ZNF280B: variants seen among roughly 807,000 people sequenced by gnomAD.
ZNF280B encodes suppressor of hairy wing homolog 2.
Under a neutral mutation model 38.0 loss-of-function variants are expected in ZNF280B, and 16 were observed. That is an observed-to-expected ratio of 0.42 (90% CI 0.28 to 0.64). The LOEUF (loss-of-function observed/expected upper bound fraction) is 0.64. ZNF280B is among the 30% of genes least tolerant of loss of function. ZNF280B has a pLI of 0.21. For synonymous variants in ZNF280B, 253 were observed against 230.6 expected (o/e 1.10, Z -0.88); for missense variants, 581 against 639.6 (o/e 0.91, Z 0.99).
In ZNF280B at chr22:22,503,316, C is replaced by A. The variant is rs570901314; in HGVS notation, c.-187+4494G>T. Among the ~76,000 whole-genome samples, 3 of 152,024 alleles carry A rather than the reference C, an allele frequency of 2.0e-5. No individual in the cohort carries two copies. In the South Asian group the frequency reaches 6.2e-4, roughly 32 times the overall value. Reference sequence around the variant, plus strand: ...GAATTAGATATTGCTGATGGTTGTACAATTTTGTAAGTATATAATACTAAA... The same window carrying A: ...GAATTAGATATTGCTGATGGTTGTAAAATTTTGTAAGTATATAATACTAAA... On this transcript the variant is annotated intron_variant, in intron 2 of 3. Transcript: ENST00000626650.
At position 22,486,149 on chromosome 22, in the gene ZNF280B, A is replaced by G. The variant is rs952056140; in HGVS notation, c.*1618T>C. ...AGCATTAGTGTCAAAAAACTGGGAA[A>G]CTATACATTTAACAGAATAGCTGCA... On this transcript the variant is annotated 3_prime_UTR_variant, in exon 4 of 4. Coordinates refer to ENST00000626650, the MANE Select transcript of ZNF280B (RefSeq NM_080764.4). The G allele has an allele frequency of 1.3e-5, 2 of 152,022 alleles. No individual in the cohort carries two copies. The highest frequency in any genetic ancestry group is 2.9e-5 in the Non-Finnish European group (2 of 68,020). 9.4% of individuals were successfully genotyped at this position (152,022 alleles called of 1,614,324 possible).
At chr22:22,492,503 T>C (rs1217056896) in intron 3 of ZNF280B, among the ~76,000 whole-genome samples, 2 of 152,012 alleles carry the variant, frequency 1.3e-5, no homozygotes, top group Non-Finnish European at 2.9e-5. Context: ...GGAAAACTCC[T>C]GCCCAAATCC....
intron 3 of ZNF280B, among the ~76,000 whole-genome samples, chr22:22,493,666 G>A (rs2061640521): frequency 6.6e-6 from 1 of 151,824 alleles, no homozygotes; most frequent in East Asian, 2.0e-4. Context: ...CCCAGCCCAG[G>A]CCGCAACTTC....
At chr22:22,505,557 C>G (rs2061920008) in intron 2 of ZNF280B, among the ~76,000 whole-genome samples, 2 of 150,908 alleles carry the variant, frequency 1.3e-5, no homozygotes, top group African/African-American at 4.9e-5. Flanking sequence ...CAGAGCAAGA[C>G]TCCATCTCAA....
In ZNF280B at chr22:22,488,922, T is replaced by C; in HGVS notation, c.477A>G (p.Ala159=). 1 of 1,613,786 alleles carries C rather than the reference T, an allele frequency of 6.2e-7. No individual in the cohort carries two copies. Among genetic ancestry groups the C allele is most frequent in the East Asian group, 2.2e-5 (1 of 44,796 alleles). ...TDSLHHPVST[A]LSVGGINESP... ...TTTCATTTATACCTCCTACTGAAAG[T>C]GCTGTACTTACTGGATGATGCAATG... The change falls in exon 4 of 4, where the codon GCA becomes GCG. Residue 159 remains alanine (A), a synonymous_variant. Transcript: ENST00000626650.
At chr22:22,501,035 A>AACAAAAAC (rs2061810684) in intron 2 of ZNF280B, among the ~76,000 whole-genome samples, 2 of 140,374 alleles carry the variant, frequency 1.4e-5, no homozygotes, top group African/African-American at 5.5e-5. Context: ...AAAAAAAAAA[A>AACAAAAAC]AAAAAACAAA....
chr22:22,498,317 C>G (rs1036820590), intron 2 of ZNF280B, among the ~76,000 whole-genome samples: 2 of 151,902 alleles, frequency 1.3e-5, no homozygotes, highest in African/African-American at 4.8e-5. Flanking sequence ...CACTAAATAT[C>G]ACTAAACTGT....
chr22:22,505,604 A>G (rs1027469597), intron 2 of ZNF280B, among the ~76,000 whole-genome samples: 1 of 151,280 alleles, frequency 6.6e-6, no homozygotes, highest in Non-Finnish European at 1.5e-5. Flanking sequence ...TAATAATAAT[A>G]CAAAAATTAG....
chr22:22,498,113 T>C (rs954206166), intron 2 of ZNF280B, among the ~76,000 whole-genome samples: 1 of 151,976 alleles, frequency 6.6e-6, no homozygotes, highest in Non-Finnish European at 1.5e-5. Flanking sequence ...AAAGCTCATA[T>C]ATTGTATGAT....
chr22:22,493,485 G>C (rs2061637102), intron 3 of ZNF280B, among the ~76,000 whole-genome samples: 1 of 151,966 alleles, frequency 6.6e-6, no homozygotes, highest in Non-Finnish European at 1.5e-5. Flanking sequence ...TAACTGCTTA[G>C]TCTTTAAGAA....
rs1054406921 is a variant in ZNF280B, at chr22:22,487,484, TA to T, written c.*282del. 5.4e-5 allele frequency: 10 copies of T among 185,784 alleles called. No homozygotes were observed. Among genetic ancestry groups the T allele is most frequent in the Non-Finnish European group, 8.4e-5 (8 of 95,078 alleles). The allele number at this position is 185,784 out of a possible 1,614,324, so 11.5% of individuals were successfully genotyped here. A position where few individuals can be genotyped will look rare whatever the true frequency, so the allele number is the denominator to read the frequency against. On this transcript the variant is annotated 3_prime_UTR_variant, in exon 4 of 4. Coordinates refer to ENST00000626650, the MANE Select transcript of ZNF280B (RefSeq NM_080764.4). The stretch of plus-strand genomic sequence containing the variant: ...AAAAAAAAAAAAAAAAAATTAAAAT[TA>T]AAAAAATAAATTAATACCTTTTTCT...
intron 2 of ZNF280B, among the ~76,000 whole-genome samples, chr22:22,502,485 T>C (rs1488119957): frequency 6.6e-6 from 1 of 151,870 alleles, no homozygotes; most frequent in African/African-American, 2.4e-5. Context: ...ATAAGCTAGC[T>C]GGAATATAGC....
At chr22:22,508,487 G>A (rs1191850692) in intron 1 of ZNF280B, among the ~76,000 whole-genome samples, 172 bp downstream of exon 1, 1 of 151,770 alleles carries the variant, frequency 6.6e-6, no homozygotes, top group Non-Finnish European at 1.5e-5. Context: ...AGGGGATCGT[G>A]GGACCTGCTT....
At chr22:22,498,799 T>TTG (rs1367070266) in intron 2 of ZNF280B, among the ~76,000 whole-genome samples, 4 of 135,708 alleles carry the variant, frequency 2.9e-5, no homozygotes, top group Non-Finnish European at 4.7e-5. Flanking sequence ...TATCCTTTTT[T>TTG]TTTTTTTTTT....
At position 22,494,560 on chromosome 22, in the gene ZNF280B, C is replaced by T. The variant is rs375756582; in HGVS notation, c.-186-380G>A. Among the ~76,000 whole-genome samples the T allele has an allele frequency of 4.5e-4, 68 of 152,002 alleles. 2 individuals are homozygous for T. The South Asian group carries it at 5.0e-3, about 11-fold the overall frequency. ...GAGATACTGGGGTAGGGAGGTTAGA[C>T]ATGCAAAGATATATCAGATCTAACA... is the stretch of plus-strand genomic sequence containing the variant. On this transcript the variant is annotated intron_variant, in intron 2 of 3. Transcript: ENST00000626650.
chr22:22,497,070 A>T (rs947800657), intron 2 of ZNF280B, among the ~76,000 whole-genome samples: 1 of 150,982 alleles, frequency 6.6e-6, no homozygotes, highest in Non-Finnish European at 1.5e-5. Flanking sequence ...CACCCGCCTT[A>T]GGCTCCCAAA....
chr22:22,500,183 C>A (rs963616630), intron 2 of ZNF280B, among the ~76,000 whole-genome samples: 2 of 151,834 alleles, frequency 1.3e-5, no homozygotes, highest in Non-Finnish European at 2.9e-5. Flanking sequence ...AGAAATGCCT[C>A]ATAAAATTAA....
In ZNF280B at chr22:22,486,704, A is replaced by C. The variant is rs2061506648; in HGVS notation, c.*1063T>G. On this transcript the variant is annotated 3_prime_UTR_variant, in exon 4 of 4. Transcript: ENST00000626650. ...GTCTGCAGGGGCCCTTCACCAAACA[A>C]AAGCATTTTACTTTGAATGGTTTGG... 1 of 151,966 alleles carries C rather than the reference A, an allele frequency of 6.6e-6. No homozygotes were observed. Among genetic ancestry groups the C allele is most frequent in the African/African-American group, 2.4e-5 (1 of 41,388 alleles). The allele number at this position is 151,966 out of a possible 1,614,324, so 9.4% of individuals were successfully genotyped here. A position where few individuals can be genotyped will look rare whatever the true frequency, so the allele number is the denominator to read the frequency against.
At position 22,498,931 on chromosome 22, in the gene ZNF280B, G is replaced by A. The variant is rs2061759155; in HGVS notation, c.-186-4751C>T. ...TCCTGCCTCAGCCTCCCGAGTAGCTGGGACTACAGGAGCCCGCCATCACGC... is the reference window on the plus strand; with the variant it reads ...TCCTGCCTCAGCCTCCCGAGTAGCTAGGACTACAGGAGCCCGCCATCACGC... On this transcript the variant is annotated intron_variant, in intron 2 of 3. Transcript: ENST00000626650. Among the ~76,000 whole-genome samples the A allele has an allele frequency of 2.7e-5, 4 of 150,728 alleles. No homozygotes were observed. In the South Asian group the frequency reaches 8.4e-4, roughly 32 times the overall value.
Sources: gnomAD v4.1 joint callset for allele counts (sites outside exome capture counted in the v4.1 genomes callset) on GRCh38, gnomAD v4.1.1 for gene constraint, MANE v1.5 for transcripts, NCBI Gene and HGNC (gene_info 2026-07-23, HGNC 2026-07-21) for gene names.